CACNA1E: variants seen among roughly 807,000 people sequenced by gnomAD.
The protein encoded by CACNA1E is calcium voltage-gated channel subunit alpha1 E.
CACNA1E carries 40 observed loss-of-function variants against 259.2 expected under a neutral mutation model. That is an observed-to-expected ratio of 0.15 (90% CI 0.12 to 0.20). The LOEUF (loss-of-function observed/expected upper bound fraction) is 0.20. Among genes scored for constraint, CACNA1E ranks in the 10% least tolerant of loss-of-function variants. The probability of loss-of-function intolerance (pLI) is 1.00; values close to 1 mark genes in which losing one functional copy is unlikely to be tolerated. For synonymous variants in CACNA1E, 1,104 were observed against 1,138.5 expected, an observed-to-expected ratio of 0.97 and a Z score of 0.61; for missense variants, 1,874 against 3,040.1, an observed-to-expected ratio of 0.62 and a Z score of 9.02.
chr1:181,736,948 A>G (rs2102579830), intron 22 of CACNA1E, among the ~76,000 whole-genome samples: 1 of 152,330 alleles, frequency 6.6e-6, no homozygotes, highest in East Asian at 1.9e-4. Flanking sequence ...CTGGAAGGTT[A>G]GATTCAGGAA....
chr1:181,767,228 C>T (rs1263327683), intron 35 of CACNA1E, among the ~76,000 whole-genome samples: 1 of 152,152 alleles, frequency 6.6e-6, no homozygotes, highest in Non-Finnish European at 1.5e-5. Context: ...GGACAGTTCC[C>T]TTGTTTTCCC....
At chr1:181,532,795 T>C (rs769981094) in intron 3 of CACNA1E, among the ~76,000 whole-genome samples, 2 of 152,382 alleles carry the variant, frequency 1.3e-5, no homozygotes, top group Non-Finnish European at 2.9e-5. Flanking sequence ...GATACTTTTT[T>C]CTTTGGATCT....
chr1:181,710,870 G>GCT, intron 7 of CACNA1E, 84 bp from the exon 8 acceptor site: 6 of 968,158 alleles, frequency 6.2e-6, no homozygotes, highest in South Asian at 2.6e-5. Context: ...TTGCTCAGAT[G>GCT]CTCTCTCTCT....
chr1:181,613,679 C>G (rs969032562), intron 6 of CACNA1E, among the ~76,000 whole-genome samples: 1 of 152,184 alleles, frequency 6.6e-6, no homozygotes. Context: ...GATCATAAAC[C>G]TAACTGCATT....
chr1:181,342,902 A>T (rs1469140549), intron 1 of CACNA1E, among the ~76,000 whole-genome samples: 1 of 152,168 alleles, frequency 6.6e-6, no homozygotes, highest in Non-Finnish European at 1.5e-5. Flanking sequence ...TATTCACAAC[A>T]AAAAGGTATA....
chr1:181,755,595 A>T (rs1572808677), intron 28 of CACNA1E, among the ~76,000 whole-genome samples, 198 bp downstream of exon 28: 1 of 152,318 alleles, frequency 6.6e-6, no homozygotes, highest in South Asian at 2.1e-4. Context: ...AGTGTAAAAT[A>T]TCTCGTACCA....
chr1:181,444,344 T>A (rs1660677922), intron 2 of CACNA1E, among the ~76,000 whole-genome samples: 2 of 147,048 alleles, frequency 1.4e-5, no homozygotes, highest in Non-Finnish European at 3.0e-5. Context: ...AAAAAAAAGA[T>A]TTTTCTTTAT....
intron 3 of CACNA1E, among the ~76,000 whole-genome samples, chr1:181,532,608 A>G (rs1332783736): frequency 6.6e-6 from 1 of 152,244 alleles, no homozygotes; most frequent in Non-Finnish European, 1.5e-5. Flanking sequence ...TATGACTTCC[A>G]GACCAGTGAT....
chr1:181,365,295 G>C (rs1461581166), intron 1 of CACNA1E, among the ~76,000 whole-genome samples: 1 of 152,190 alleles, frequency 6.6e-6, no homozygotes, highest in African/African-American at 2.4e-5. Context: ...AGCCTCCCAC[G>C]TAGGTGGGAC....
At chr1:181,717,844 A>G (rs929341572) in intron 11 of CACNA1E, among the ~76,000 whole-genome samples, 2 of 152,104 alleles carry the variant, frequency 1.3e-5, no homozygotes, top group African/African-American at 4.8e-5. Flanking sequence ...ATTGAAAGAG[A>G]GCAATGCTGA....
At chr1:181,671,631 C>T (rs933358558) in intron 7 of CACNA1E, among the ~76,000 whole-genome samples, 7 of 152,158 alleles carry the variant, frequency 4.6e-5, no homozygotes, top group African/African-American at 1.7e-4. Flanking sequence ...GACATAACGG[C>T]TCCCACACTA....
chr1:181,613,257 CAT>C (rs1491335672), intron 6 of CACNA1E, among the ~76,000 whole-genome samples: 3 of 152,232 alleles, frequency 2.0e-5, no homozygotes, highest in African/African-American at 7.2e-5. Context: ...CTTTAAAAAA[CAT>C]GAGGGCTAGG....
intron 6 of CACNA1E, among the ~76,000 whole-genome samples, chr1:181,593,038 A>C (rs1173523262): frequency 6.6e-6 from 1 of 152,192 alleles, no homozygotes; most frequent in African/African-American, 2.4e-5. Flanking sequence ...TGAATAAATA[A>C]ATGTGCATCA....
intron 12 of CACNA1E, 91 bp downstream of exon 12, chr1:181,718,258 A>G (rs1654090369): frequency 1.5e-6 from 1 of 652,156 alleles, no homozygotes; most frequent in Admixed American, 2.6e-5. Context: ...AGCATGAGGC[A>G]CTGAAATCAG....
intron 1 of CACNA1E, among the ~76,000 whole-genome samples, chr1:181,326,707 C>T (rs558230727): frequency 1.3e-5 from 2 of 152,338 alleles, no homozygotes; most frequent in East Asian, 3.9e-4. Flanking sequence ...TTCTCTCCAA[C>T]TGAATACTAG....
chr1:181,584,262 C>T (rs1288489045), intron 6 of CACNA1E, among the ~76,000 whole-genome samples: 1 of 152,170 alleles, frequency 6.6e-6, no homozygotes, highest in South Asian at 2.1e-4. Context: ...AGTTATTTCT[C>T]TTCTTACTTA....
At chr1:181,576,116 C>G (rs1364301806) in intron 3 of CACNA1E, among the ~76,000 whole-genome samples, 1 of 152,192 alleles carries the variant, frequency 6.6e-6, no homozygotes, top group African/African-American at 2.4e-5. Context: ...GGAAGTGTGA[C>G]TCAGGAGAGA....
At chr1:181,428,256 G>C (rs1659450835) in intron 2 of CACNA1E, among the ~76,000 whole-genome samples, 1 of 152,220 alleles carries the variant, frequency 6.6e-6, no homozygotes, top group Non-Finnish European at 1.5e-5. Flanking sequence ...CCCCACTGGA[G>C]AGGCCCGATG....
intron 7 of CACNA1E, 160 bp downstream of exon 7, chr1:181,651,601 G>T: frequency 1.7e-6 from 1 of 573,990 alleles, no homozygotes; most frequent in South Asian, 2.2e-5. Context: ...TGGGAATGCA[G>T]TAGTGAACCA....
Sources: allele counts gnomAD v4.1 joint callset (sites outside exome capture counted in the v4.1 genomes callset), GRCh38; gene constraint gnomAD v4.1.1; transcripts MANE v1.5; gene names NCBI Gene and HGNC (gene_info 2026-07-23, HGNC 2026-07-21).